The following PCSK6 variants were observed in gnomAD, a reference collection of about 807,000 sequenced individuals.
PCSK6 encodes the protein paired basic amino acid cleaving enzyme 4.
A neutral mutation model predicts 123.3 loss-of-function variants in PCSK6; 85 were observed. The observed-to-expected ratio is 0.69, with a 90% CI of 0.58 to 0.83. The LOEUF (loss-of-function observed/expected upper bound fraction) is 0.83, where lower values mean the gene tolerates loss of function less well. PCSK6 is among the 40% of genes least tolerant of loss of function. The pLI is 0.00. For synonymous variants in PCSK6, 508 were observed against 516.0 expected (o/e 0.98, Z 0.21); for missense variants, 1,191 against 1,282.3 (o/e 0.93, Z 1.09).
At chr15:101,482,476 G>A (rs927761452) in intron 1 of PCSK6, among the ~76,000 whole-genome samples, 4 of 152,224 alleles carry the variant, frequency 2.6e-5, no homozygotes, top group Admixed American at 6.5e-5. Flanking sequence ...CAGCCTGGCT[G>A]AGCTGCAGAA....
intron 13 of PCSK6, among the ~76,000 whole-genome samples, chr15:101,358,038 C>T (rs574456382): frequency 2.6e-4 from 40 of 152,286 alleles, no homozygotes; most frequent in Admixed American, 9.1e-4. Flanking sequence ...GGCAGGTCAT[C>T]GCTGAGGACT....
chr15:101,438,517 G>A lies in PCSK6; in HGVS notation c.402+5039C>T, dbSNP rs533615393. Among the ~76,000 whole-genome samples the A allele has an allele frequency of 2.6e-5, 4 of 152,278 alleles. No individual in the cohort carries two copies. In the South Asian group the frequency reaches 6.2e-4, roughly 24 times the overall value. On this transcript the variant is annotated intron_variant, in intron 2 of 21. Transcript: ENST00000611716. Reference sequence around the variant, plus strand: ...CAAATGATATGTGGCCTTGACCCTCGATAACCTCCTGTTGCATTGGCAAGA... The same window carrying A: ...CAAATGATATGTGGCCTTGACCCTCAATAACCTCCTGTTGCATTGGCAAGA...
intron 1 of PCSK6, among the ~76,000 whole-genome samples, chr15:101,480,829 G>A (rs182964114): frequency 7.4e-4 from 112 of 152,338 alleles, no homozygotes; most frequent in Middle Eastern, 3.4e-3. Context: ...AAGTACGTAC[G>A]TGGCAGGGCC....
chr15:101,432,638 A>G (rs918709700), intron 2 of PCSK6, among the ~76,000 whole-genome samples: 7 of 152,092 alleles, frequency 4.6e-5, no homozygotes, highest in Non-Finnish European at 1.0e-4. Flanking sequence ...AAAAAAAAAA[A>G]AAGACAGAGA....
At chr15:101,324,751 G>T in intron 17 of PCSK6, 99 bp downstream of exon 17, 1 of 1,006,692 alleles carries the variant, frequency 9.9e-7, no homozygotes, top group Non-Finnish European at 1.5e-6. Flanking sequence ...CAAAATACAC[G>T]GAAGCAGAAG....
chr15:101,304,535 C>T lies in PCSK6; in HGVS notation c.*723G>A, dbSNP rs565163112. ...CATCAGGTCGAGGTGGTCGTTCAGG[C>T]CATGAGACTCCTGAAGACACAGACA... On this transcript the variant is annotated 3_prime_UTR_variant, in exon 22 of 22. Coordinates refer to ENST00000611716, the MANE Select transcript of PCSK6 (RefSeq NM_002570.5). The T allele has an allele frequency of 2.0e-5, 3 of 152,264 alleles. No homozygotes were observed. Among genetic ancestry groups the T allele is most frequent in the African/African-American group, 7.2e-5 (3 of 41,554 alleles). 9.4% of individuals were successfully genotyped at this position (152,264 alleles called of 1,614,324 possible). A position where few individuals can be genotyped will look rare whatever the true frequency, so the allele number is the denominator to read the frequency against.
At chr15:101,429,123 C>T (rs898059473) in intron 5 of PCSK6, among the ~76,000 whole-genome samples, 2 of 152,196 alleles carry the variant, frequency 1.3e-5, no homozygotes, top group Non-Finnish European at 2.9e-5. Flanking sequence ...GGGAGACGCC[C>T]CTCAGCAAGA....
chr15:101,372,337 T>C (rs2041609927), intron 11 of PCSK6, among the ~76,000 whole-genome samples: 1 of 152,212 alleles, frequency 6.6e-6, no homozygotes, highest in African/African-American at 2.4e-5. Flanking sequence ...TCTCAGGAGT[T>C]ACACTGCTTG....
intron 13 of PCSK6, among the ~76,000 whole-genome samples, chr15:101,360,978 T>A (rs974005721): frequency 2.0e-5 from 3 of 152,192 alleles, no homozygotes; most frequent in African/African-American, 7.2e-5. Flanking sequence ...AAGCTTAGCA[T>A]CTGTTTTGTT....
intron 6 of PCSK6, among the ~76,000 whole-genome samples, chr15:101,400,274 G>A (rs1392991089): frequency 1.3e-5 from 2 of 152,082 alleles, no homozygotes; most frequent in African/African-American, 4.8e-5. Flanking sequence ...GCTTTATACA[G>A]GGCATTTCCC....
At chr15:101,443,440 G>C in intron 2 of PCSK6, 116 bp downstream of exon 2, 1 of 700,562 alleles carries the variant, frequency 1.4e-6, no homozygotes, top group Non-Finnish European at 2.5e-6. Context: ...TGTATTTAAA[G>C]TGAATATGGA....
chr15:101,365,049 T>C, intron 13 of PCSK6: 1 of 768,390 alleles, frequency 1.3e-6, no homozygotes, highest in Admixed American at 1.7e-5. Flanking sequence ...GATCACCTAA[T>C]GGGTAAAGAA....
chr15:101,447,164 T>C lies in PCSK6; in HGVS notation c.298-3504A>G, dbSNP rs186315347. On this transcript the variant is annotated intron_variant, in intron 1 of 21. Coordinates refer to ENST00000611716, the MANE Select transcript of PCSK6 (RefSeq NM_002570.5). The stretch of plus-strand genomic sequence containing the variant: ...TCTCATCTGACCTACCACAGCAGGG[T>C]CCACCCCAGGTACGAGGAGGTTCTG... 3.6e-3 allele frequency among the ~76,000 whole-genome samples: 555 copies of C among 152,174 alleles called. 15 individuals are homozygous for C. The highest frequency in any genetic ancestry group is 0.034 in the Admixed American group (518 of 15,284).
At chr15:101,339,682 G>C (rs1410478408) in intron 13 of PCSK6, among the ~76,000 whole-genome samples, 1 of 152,158 alleles carries the variant, frequency 6.6e-6, no homozygotes, top group African/African-American at 2.4e-5. Context: ...TGATGTGGGA[G>C]GATCTCTTGA....
intron 6 of PCSK6, among the ~76,000 whole-genome samples, chr15:101,418,671 C>T (rs2055976410): frequency 6.6e-6 from 1 of 151,980 alleles, no homozygotes; most frequent in South Asian, 2.1e-4. Flanking sequence ...TGCCACCATG[C>T]CCAGCTAATT....
chr15:101,464,539 G>A (rs149971608), intron 1 of PCSK6, among the ~76,000 whole-genome samples: 67 of 152,268 alleles, frequency 4.4e-4, no homozygotes, highest in African/African-American at 1.4e-3. Context: ...AGCCCCAGAC[G>A]GTTTATTAAA....
chr15:101,474,098 C>G (rs1485387466), intron 1 of PCSK6, among the ~76,000 whole-genome samples: 1 of 152,096 alleles, frequency 6.6e-6, no homozygotes, highest in African/African-American at 2.4e-5. Flanking sequence ...TTTGATAGGA[C>G]AGCAATAAGG....
chr15:101,436,357 C>A (rs565616307), intron 2 of PCSK6, among the ~76,000 whole-genome samples: 52 of 152,342 alleles, frequency 3.4e-4, no homozygotes, highest in African/African-American at 1.2e-3. Context: ...TACGCACCGG[C>A]AGGGCTGCGG....
intron 20 of PCSK6, among the ~76,000 whole-genome samples, chr15:101,312,833 A>G (rs899632619): frequency 1.3e-5 from 2 of 152,006 alleles, no homozygotes; most frequent in Non-Finnish European, 2.9e-5. Flanking sequence ...CCATCTCAAA[A>G]AAAACGAAAA....
Sources: allele counts gnomAD v4.1 joint callset (sites outside exome capture counted in the v4.1 genomes callset), GRCh38; gene constraint gnomAD v4.1.1; transcripts MANE v1.5; gene names NCBI Gene and HGNC (gene_info 2026-07-23, HGNC 2026-07-21).